Variants in BACH1 observed in about 807,000 individuals in gnomAD.
The protein encoded by BACH1 is transcription regulator protein BACH1.
Under a neutral mutation model 52.9 loss-of-function variants are expected in BACH1, and 35 were observed. That is an observed-to-expected ratio of 0.66 (90% CI 0.51 to 0.88). BACH1 has a LOEUF of 0.88. Among genes scored for constraint, BACH1 ranks in the 40% least tolerant of loss-of-function variants. The pLI, the probability that BACH1 is intolerant of heterozygous loss-of-function variation, is 0.00. For synonymous variants in BACH1, 321 were observed against 319.6 expected, an observed-to-expected ratio of 1.00 and a Z score of -0.05; for missense variants, 808 against 872.6, an observed-to-expected ratio of 0.93 and a Z score of 0.93.
chr21:29,324,555 CTTGT>C (rs1388941002), intron 2 of BACH1, among the ~76,000 whole-genome samples: 7 of 90,964 alleles, frequency 7.7e-5, no homozygotes, highest in Non-Finnish European at 1.4e-4. Flanking sequence ...ATGGATGTAC[CTTGT>C]GTGTGTGTGT....
At chr21:29,341,089 T>G (rs1471526524) in intron 4 of BACH1, among the ~76,000 whole-genome samples, 1 of 152,192 alleles carries the variant, frequency 6.6e-6, no homozygotes, top group Non-Finnish European at 1.5e-5. Flanking sequence ...TTACAAGGCT[T>G]TAAAATATTT....
chr21:29,351,838 C>A, intron 2 of BACH1: 1 of 479,836 alleles, frequency 2.1e-6, no homozygotes, highest in Non-Finnish European at 4.3e-6. Context: ...CTAGTAAAAG[C>A]ACTTAATGGC....
intron 1 of BACH1, among the ~76,000 whole-genome samples, chr21:29,302,800 A>G (rs1313282342): frequency 1.3e-5 from 2 of 152,222 alleles, no homozygotes; most frequent in Non-Finnish European, 2.9e-5. Context: ...CTGGAAAAAC[A>G]ACCCGGGGAA....
intron 4 of BACH1, among the ~76,000 whole-genome samples, chr21:29,331,333 C>T (rs370324725): frequency 6.5e-4 from 99 of 152,210 alleles, no homozygotes; most frequent in African/African-American, 2.3e-3. Context: ...TATAGTAGTT[C>T]ATAGAGTTTA....
At position 29,326,255 on chromosome 21, in the gene BACH1, A is replaced by G; in HGVS notation, c.431A>G (p.Lys144Arg). 6.2e-7 allele frequency: 1 copy of G among 1,614,114 alleles called. No individual in the cohort carries two copies. Among genetic ancestry groups the G allele is most frequent in the Non-Finnish European group, 8.5e-7 (1 of 1,180,014 alleles). ...GACCAGCAAGAATGCCCAAGAAAAA[A>G]ATGCTTTTCATCACACTGTCAGAAA... ...TADQQECPRK[K>R]CFSSHCQKTD... Residue 144 changes from lysine to arginine, a missense_variant, in exon 3 of 5, where the codon AAA becomes AGA. Physicochemically the swap from Lys to Arg is conservative, Grantham distance 26. Transcript: ENST00000286800.
chr21:29,300,881 G>C (rs1251401926), intron 1 of BACH1: 1 of 152,176 alleles, frequency 6.6e-6, no homozygotes, highest in Non-Finnish European at 1.5e-5. Flanking sequence ...GTTAAGTCTC[G>C]AAAGAGCTGT....
chr21:29,343,029 G>A lies in BACH1; in HGVS notation c.*196G>A. On this transcript the variant is annotated 3_prime_UTR_variant, in exon 5 of 5. Transcript: ENST00000286800. ...AGACAAAGAAATGATTTTGCCTCCT[G>A]GATATCAGAAAAATCCATGTGAAAA... 2 of 504,830 alleles carry A rather than the reference G, an allele frequency of 4.0e-6. No individual in the cohort carries two copies. Among genetic ancestry groups the A allele is most frequent in the African/African-American group, 1.9e-5 (1 of 52,474 alleles). The allele number at this position is 504,830 out of a possible 1,614,324, so 31.3% of individuals were successfully genotyped here. A position where few individuals can be genotyped will look rare whatever the true frequency, so the allele number is the denominator to read the frequency against.
intron 4 of BACH1, among the ~76,000 whole-genome samples, chr21:29,340,230 A>G (rs910261046): frequency 6.6e-6 from 1 of 152,202 alleles, no homozygotes; most frequent in African/African-American, 2.4e-5. Context: ...CTATTATAGT[A>G]AATATGTGTC....
chr21:29,325,122 C>T (rs1477070375), intron 2 of BACH1, among the ~76,000 whole-genome samples: 2 of 151,838 alleles, frequency 1.3e-5, no homozygotes, highest in African/African-American at 2.4e-5. Flanking sequence ...CCCAGCTGCT[C>T]GGGAGGCTGA....
intron 4 of BACH1, among the ~76,000 whole-genome samples, chr21:29,340,540 A>C (rs572214331): frequency 2.0e-5 from 3 of 152,220 alleles, no homozygotes; most frequent in Non-Finnish European, 4.4e-5. Context: ...TAGTGGTTCT[A>C]ATTTCTGGGA....
At chr21:29,306,287 T>TA (rs2088656718) in intron 1 of BACH1, among the ~76,000 whole-genome samples, 1 of 151,770 alleles carries the variant, frequency 6.6e-6, no homozygotes, top group Admixed American at 6.6e-5. Context: ...AAGTTCCTCT[T>TA]ATGGTTGCAA....
chr21:29,299,889 A>C (rs1451384219), intron 1 of BACH1: 1 of 152,082 alleles, frequency 6.6e-6, no homozygotes, highest in East Asian at 1.9e-4. Context: ...AGGGGTAGGG[A>C]CTGTTACCCA....
At chr21:29,307,621 A>G (rs1368260114) in intron 1 of BACH1, among the ~76,000 whole-genome samples, 1 of 152,180 alleles carries the variant, frequency 6.6e-6, no homozygotes, top group Non-Finnish European at 1.5e-5. Flanking sequence ...TAATTGTTGT[A>G]TTTTATTATT....
chr21:29,321,427 G>GT lies in BACH1; in HGVS notation c.148dup (p.Ser50PhefsTer19), dbSNP rs1286827157. The GT allele has an allele frequency of 6.2e-7, 1 of 1,614,204 alleles. No individual in the cohort carries two copies. On this transcript the variant is annotated frameshift_variant, in exon 2 of 5. Transcript: ENST00000286800. LOFTEE classifies it high-confidence loss of function. ...AGGGACAGCGGTTCCGCGCTCACCG[G>GT]TCCGTGCTGGCGGCATGCAGCAGTT...
intron 4 of BACH1, among the ~76,000 whole-genome samples, chr21:29,332,313 TGTCATCATAGTAAGGTTCCTTTCATATG>T (rs1307571880): frequency 6.6e-6 from 1 of 152,236 alleles, no homozygotes; most frequent in Non-Finnish European, 1.5e-5. Context: ...ATATTGCTTC[TGTCATCATAGTAAGGTTCCTTTCATATG>T]GTCAGTGAAT....
At chr21:29,351,428 T>C (rs567831741) in intron 2 of BACH1, among the ~76,000 whole-genome samples, 1 of 152,358 alleles carries the variant, frequency 6.6e-6, no homozygotes, top group East Asian at 1.9e-4. Flanking sequence ...GAAATAAGCA[T>C]GCTTATGTTT....
Position 29,342,832 on chromosome 21 carries a change from A to G in BACH1, c.2210A>G (p.Ter737=). 6.3e-7 allele frequency: 1 copy of G among 1,575,224 alleles called. No homozygotes were observed. Among genetic ancestry groups the G allele is most frequent in the Non-Finnish European group, 8.6e-7 (1 of 1,156,770 alleles). The change falls in exon 5 of 5, where the codon TAA becomes TGA. Residue 737 remains the stop codon, a stop_retained_variant. Coordinates refer to ENST00000286800, the MANE Select transcript of BACH1 (RefSeq NM_001186.4). ...QMTDKCTTDE[*] The stretch of plus-strand genomic sequence containing the variant: ...ACTGATAAATGTACTACTGATGAGT[A>G]AACTTGCATTCACTTCCTTCAAACC...
At chr21:29,311,690 TCA>T in intron 1 of BACH1, among the ~76,000 whole-genome samples, 2 of 152,320 alleles carry the variant, frequency 1.3e-5, no homozygotes, top group Non-Finnish European at 2.9e-5. Flanking sequence ...CTACTGTTGA[TCA>T]CCTCTGCAAC....
At chr21:29,357,861 G>A (rs2089244256) in intron 2 of BACH1, among the ~76,000 whole-genome samples, 1 of 152,106 alleles carries the variant, frequency 6.6e-6, no homozygotes, top group South Asian at 2.1e-4. Context: ...CCTCAAGTAG[G>A]GGACAACAAA....
Sources: gnomAD v4.1 joint callset for allele counts (sites outside exome capture counted in the v4.1 genomes callset) on GRCh38, gnomAD v4.1.1 for gene constraint, MANE v1.5 for transcripts, NCBI Gene and HGNC (gene_info 2026-07-23, HGNC 2026-07-21) for gene names.